The following CACNA1C variants were observed in gnomAD, a reference collection of about 807,000 sequenced individuals.
CACNA1C encodes voltage-dependent L-type calcium channel subunit alpha-1C.
In CACNA1C, 30 loss-of-function variants were observed where a neutral mutation model predicts 229.0. That is an observed-to-expected ratio of 0.13 (90% CI 0.10 to 0.18). The LOEUF is 0.18. Ranked by LOEUF, CACNA1C falls within the 10% of genes least tolerant of loss-of-function variation. The pLI, the probability that CACNA1C is intolerant of heterozygous loss-of-function variation, is 1.00. For synonymous variants in CACNA1C, 1,114 were observed against 1,132.5 expected, an observed-to-expected ratio of 0.98 and a Z score of 0.33; for missense variants, 1,658 against 2,845.0, an observed-to-expected ratio of 0.58 and a Z score of 9.49.
intron 3 of CACNA1C, among the ~76,000 whole-genome samples, chr12:2,375,429 G>A (rs531836584): frequency 3.9e-5 from 6 of 152,278 alleles, no homozygotes; most frequent in South Asian, 2.1e-4. Flanking sequence ...GCCCACCTTC[G>A]GCTCCTGTGG....
intron 3 of CACNA1C, among the ~76,000 whole-genome samples, chr12:2,268,492 A>G (rs1273499189): frequency 2.0e-5 from 3 of 152,228 alleles, no homozygotes; most frequent in Non-Finnish European, 4.4e-5. Context: ...TTGAAAAGCA[A>G]ATGCTCCTGG....
chr12:2,547,335 A>G (rs905359406), intron 9 of CACNA1C: 5 of 660,080 alleles, frequency 7.6e-6, no homozygotes, highest in African/African-American at 7.3e-5. Flanking sequence ...ATAAAAATGG[A>G]TGTTCTATGT....
At chr12:2,038,240 CT>C (rs1465605021) in intron 1 of CACNA1C, among the ~76,000 whole-genome samples, 1 of 152,120 alleles carries the variant, frequency 6.6e-6, no homozygotes, top group African/African-American at 2.4e-5. Flanking sequence ...AAATAGGGTA[CT>C]TAATGAATCA....
At chr12:2,311,033 C>A (rs1306534183) in intron 3 of CACNA1C, among the ~76,000 whole-genome samples, 1 of 152,214 alleles carries the variant, frequency 6.6e-6, no homozygotes, top group Non-Finnish European at 1.5e-5. Flanking sequence ...CCTAGGCTTT[C>A]TTTCACGCTT....
At chr12:1,993,561 T>G (rs142887241) in intron 1 of CACNA1C, among the ~76,000 whole-genome samples, 14 of 152,182 alleles carry the variant, frequency 9.2e-5, no homozygotes, top group Non-Finnish European at 2.1e-4. Context: ...ATGGACTAAT[T>G]CCCATGTAAT....
At chr12:2,496,037 T>C (rs961905223) in intron 7 of CACNA1C, among the ~76,000 whole-genome samples, 4 of 152,198 alleles carry the variant, frequency 2.6e-5, no homozygotes, top group Admixed American at 6.5e-5. Context: ...GCACAGACTC[T>C]CAAATCTCAA....
chr12:2,465,421 C>T (rs1279101687), intron 5 of CACNA1C, among the ~76,000 whole-genome samples: 1 of 152,022 alleles, frequency 6.6e-6, no homozygotes, highest in African/African-American at 2.4e-5. Context: ...GGAGATAAGC[C>T]CTGAGGTTTA....
chr12:2,180,560 A>G (rs760620547), intron 3 of CACNA1C, among the ~76,000 whole-genome samples: 2 of 152,176 alleles, frequency 1.3e-5, no homozygotes, highest in East Asian at 1.9e-4. Flanking sequence ...TTGTTTAGAT[A>G]TAAGTTTGGG....
intron 3 of CACNA1C, among the ~76,000 whole-genome samples, chr12:2,256,276 TA>T (rs1207638298): frequency 2.0e-5 from 3 of 152,220 alleles, no homozygotes; most frequent in Admixed American, 6.5e-5. Context: ...GAGAACTGGT[TA>T]CTTCTCCATC....
At chr12:2,387,744 T>G (rs2098417794) in intron 3 of CACNA1C, among the ~76,000 whole-genome samples, 1 of 152,064 alleles carries the variant, frequency 6.6e-6, no homozygotes, top group Non-Finnish European at 1.5e-5. Context: ...GTGAAAGGGC[T>G]CCAGGGCCAG....
intron 3 of CACNA1C, among the ~76,000 whole-genome samples, chr12:2,281,225 TG>T (rs2091166757): frequency 6.6e-6 from 1 of 151,112 alleles, no homozygotes; most frequent in South Asian, 2.1e-4. Flanking sequence ...ACTCCCTTCC[TG>T]GCCTTTATGC....
At chr12:2,607,282 A>T in intron 26 of CACNA1C, 152 bp downstream of exon 26, 1 of 711,528 alleles carries the variant, frequency 1.4e-6, no homozygotes, top group South Asian at 2.3e-5. Flanking sequence ...TATTTCTAGA[A>T]CTTACAGTCC....
intron 29 of CACNA1C, among the ~76,000 whole-genome samples, chr12:2,626,468 C>T (rs1042097177): frequency 6.6e-6 from 1 of 152,166 alleles, no homozygotes; most frequent in Non-Finnish European, 1.5e-5. Context: ...AGAGATTGCT[C>T]CTCCTTGTTC....
chr12:2,418,699 C>T (rs1306441993), intron 3 of CACNA1C, among the ~76,000 whole-genome samples: 1 of 152,192 alleles, frequency 6.6e-6, no homozygotes, highest in Non-Finnish European at 1.5e-5. Flanking sequence ...CAATCCTGAT[C>T]AGTGGGACTC....
intron 46 of CACNA1C, 37 bp downstream of exon 46, chr12:2,688,816 C>T (rs770836971): frequency 7.7e-6 from 11 of 1,429,402 alleles, no homozygotes; most frequent in East Asian, 2.5e-5. Context: ...GGAGAGGCCA[C>T]GGGCAACAAG....
intron 3 of CACNA1C, among the ~76,000 whole-genome samples, chr12:2,171,351 G>T (rs1174974752): frequency 6.6e-6 from 1 of 152,120 alleles, no homozygotes; most frequent in Non-Finnish European, 1.5e-5. Flanking sequence ...GGCTGGAGAA[G>T]GGAGTGGGGT....
chr12:2,078,674 T>A (rs1224411633), intron 1 of CACNA1C, among the ~76,000 whole-genome samples: 1 of 152,182 alleles, frequency 6.6e-6, no homozygotes, highest in Non-Finnish European at 1.5e-5. Flanking sequence ...TAGTTAACAC[T>A]AGTTTAACTG....
At position 2,605,878 on chromosome 12, in the gene CACNA1C, G is replaced by A; in HGVS notation, c.3156+92G>A. On this transcript the variant is annotated intron_variant, in intron 24 of 46. Coordinates refer to ENST00000399655, the MANE Select transcript of CACNA1C (RefSeq NM_000719.7). This position sits in a 1 kb window ranked among gnomAD's most constrained non-coding sequence, Gnocchi z 6.2. ...TGGCAGATATAGTACAAACGAGACAGTGTCCTGAGCCAGACTTGGCTTGGA... is the reference window on the plus strand; with the variant it reads ...TGGCAGATATAGTACAAACGAGACAATGTCCTGAGCCAGACTTGGCTTGGA... 1.1e-6 allele frequency: 1 copy of A among 902,586 alleles called. No individual in the cohort carries two copies. Among genetic ancestry groups the A allele is most frequent in the South Asian group, 1.4e-5 (1 of 74,022 alleles). The allele number at this position is 902,586 out of a possible 1,614,324, so 55.9% of individuals were successfully genotyped here.
chr12:2,094,341 T>G (rs538845466), intron 1 of CACNA1C, among the ~76,000 whole-genome samples: 7 of 152,290 alleles, frequency 4.6e-5, no homozygotes, highest in African/African-American at 1.2e-4. Flanking sequence ...GCCACGTTTG[T>G]TGAGACTCAG....
Sources: gnomAD v4.1 joint callset for allele counts (sites outside exome capture counted in the v4.1 genomes callset) on GRCh38, gnomAD v4.1.1 for gene constraint, Gnocchi (gnomAD v3.1) non-coding constraint, MANE v1.5 for transcripts, NCBI Gene and HGNC (gene_info 2026-07-23, HGNC 2026-07-21) for gene names.